STX18: variants seen among roughly 807,000 people sequenced by gnomAD.
STX18 encodes syntaxin 18.
Under a neutral mutation model 50.1 loss-of-function variants are expected in STX18, and 40 were observed. The ratio of observed to expected loss-of-function variants is 0.80; its 90% CI spans 0.62 to 1.04. STX18 has a LOEUF of 1.04. STX18 is among the 50% of genes least tolerant of loss of function. The probability of loss-of-function intolerance (pLI) is 0.00; values close to 1 mark genes in which losing one functional copy is unlikely to be tolerated. For missense variants in STX18, 410 were observed against 415.8 expected, an observed-to-expected ratio of 0.99 and a Z score of 0.12; for synonymous variants, 158 against 151.8, an observed-to-expected ratio of 1.04 and a Z score of -0.30.
At chr4:4,495,715 T>C in intron 1 of STX18, among the ~76,000 whole-genome samples, 1 of 152,086 alleles carries the variant, frequency 6.6e-6, no homozygotes, top group African/African-American at 2.4e-5. Flanking sequence ...AATCTTGTAT[T>C]AGTCCACCTC....
At chr4:4,453,053 T>G (rs1000064047) in intron 5 of STX18, among the ~76,000 whole-genome samples, 8 of 152,190 alleles carry the variant, frequency 5.3e-5, no homozygotes, top group African/African-American at 1.9e-4. Flanking sequence ...CTGCTTATTA[T>G]GGATGAACCA....
In STX18 at chr4:4,541,939, A is replaced by C. The variant is rs1177439416; in HGVS notation, c.26T>G (p.Phe9Cys). ...CTTCACGGTCTTGACGCTGGCCCGGAATAGCAGCGTGATGTCCACCGCCAT... is the reference window on the plus strand; with the variant it reads ...CTTCACGGTCTTGACGCTGGCCCGGCATAGCAGCGTGATGTCCACCGCCAT... The part of the protein sequence containing the change: MAVDITLL[F>C]RASVKTVKTR... The change falls in exon 1 of 11, where the codon TTC (phenylalanine) becomes TGC (cysteine). Residue 9 changes from phenylalanine (F) to cysteine (C), a missense_variant. Phe to Cys is a radical substitution (Grantham distance 205). Transcript: ENST00000306200. 1.9e-6 allele frequency: 3 copies of C among 1,607,384 alleles called. No homozygotes were observed. The Admixed American group carries it at 5.0e-5, about 27-fold the overall frequency.
At chr4:4,506,941 G>A (rs1273887373) in intron 1 of STX18, 2 of 312,170 alleles carry the variant, frequency 6.4e-6, no homozygotes, top group East Asian at 8.2e-5. Context: ...TGGGGGATGG[G>A]ACTATTGTAC....
chr4:4,508,445 T>C (rs930731990), intron 1 of STX18, among the ~76,000 whole-genome samples: 2 of 152,086 alleles, frequency 1.3e-5, no homozygotes, highest in African/African-American at 2.4e-5. Context: ...AAAATATACA[T>C]GAGAAGTTTG....
rs904227769 is a variant in STX18 at position 4,447,504 on chromosome 4, T to C, written c.498-8995A>G. Among the ~76,000 whole-genome samples the C allele has an allele frequency of 2.1e-5, 3 of 144,166 alleles. No individual in the cohort carries two copies. The Admixed American group carries it at 2.2e-4, about 11-fold the overall frequency. The allele number at this position is 144,166 out of a possible 152,430, so 94.6% of individuals were successfully genotyped here. On this transcript the variant is annotated intron_variant, in intron 5 of 10. Coordinates refer to ENST00000306200, the MANE Select transcript of STX18 (RefSeq NM_016930.4). ...TACTCGGGAGGCTGAGGCAGGAGAA[T>C]GGCGTGAACCCGGGAGGCGGAGCTT...
chr4:4,433,660 A>G (rs927492284), intron 7 of STX18, among the ~76,000 whole-genome samples: 1 of 152,042 alleles, frequency 6.6e-6, no homozygotes, highest in African/African-American at 2.4e-5. Flanking sequence ...CATGGGACAC[A>G]GTATCTGGGA....
intron 1 of STX18, among the ~76,000 whole-genome samples, chr4:4,539,572 GAAC>G (rs1430232983): frequency 6.6e-6 from 1 of 152,184 alleles, no homozygotes; most frequent in African/African-American, 2.4e-5. Flanking sequence ...CAGTGTCCCT[GAAC>G]AACACAGCCC....
intron 1 of STX18, among the ~76,000 whole-genome samples, chr4:4,508,375 G>C (rs558330114): frequency 6.6e-6 from 1 of 151,894 alleles, no homozygotes; most frequent in African/African-American, 2.4e-5. Context: ...CACTTGAGAG[G>C]ATCCCAAAAA....
At chr4:4,487,401 T>A (rs931649368) in intron 1 of STX18, among the ~76,000 whole-genome samples, 1 of 152,222 alleles carries the variant, frequency 6.6e-6, no homozygotes, top group Non-Finnish European at 1.5e-5. Flanking sequence ...TTCCTATGTG[T>A]CGGACACCAT....
At chr4:4,435,403 T>C (rs962793372) in intron 6 of STX18, among the ~76,000 whole-genome samples, 4 of 152,234 alleles carry the variant, frequency 2.6e-5, no homozygotes, top group African/African-American at 9.6e-5. Context: ...CATACAAAGA[T>C]ATATGAGTCC....
At chr4:4,452,829 G>A (rs1458833930) in intron 5 of STX18, among the ~76,000 whole-genome samples, 1 of 152,176 alleles carries the variant, frequency 6.6e-6, no homozygotes, top group Non-Finnish European at 1.5e-5. Flanking sequence ...AAGAACATTC[G>A]TGATTCATGG....
chr4:4,473,828 C>T (rs1249375590), intron 1 of STX18, among the ~76,000 whole-genome samples: 1 of 152,060 alleles, frequency 6.6e-6, no homozygotes, highest in Admixed American at 6.5e-5. Context: ...AGAATACATT[C>T]GACAGTGGTG....
intron 1 of STX18, among the ~76,000 whole-genome samples, chr4:4,506,906 C>T (rs569766329): frequency 6.6e-6 from 1 of 152,250 alleles, no homozygotes; most frequent in Admixed American, 6.5e-5. Context: ...GTAACTGAAA[C>T]TGGAAAATTA....
At chr4:4,433,384 T>C (rs1725613179) in intron 7 of STX18, among the ~76,000 whole-genome samples, 1 of 152,278 alleles carries the variant, frequency 6.6e-6, no homozygotes, top group African/African-American at 2.4e-5. Context: ...AGAATTCCCC[T>C]GCGGAAGGCC....
intron 9 of STX18, among the ~76,000 whole-genome samples, chr4:4,421,447 G>T (rs1334971384): frequency 2.6e-5 from 4 of 152,060 alleles, no homozygotes; most frequent in Admixed American, 6.6e-5. Flanking sequence ...GAGATGGGGG[G>T]TCTCCCTATG....
intron 1 of STX18, among the ~76,000 whole-genome samples, chr4:4,491,932 C>T (rs1728960317): frequency 6.6e-6 from 1 of 152,134 alleles, no homozygotes; most frequent in South Asian, 2.1e-4. Flanking sequence ...GTATGTCACA[C>T]TCCGGTTACC....
At chr4:4,425,800 C>T (rs62289799) in intron 7 of STX18, 7,424 of 152,880 alleles carry the variant, frequency 0.049, 311 homozygotes, top group African/African-American at 0.11. Context: ...TGGGTGAGGA[C>T]GGGTGCCCTG....
At chr4:4,537,585 T>C (rs1731400810) in intron 1 of STX18, among the ~76,000 whole-genome samples, 1 of 152,214 alleles carries the variant, frequency 6.6e-6, no homozygotes, top group Non-Finnish European at 1.5e-5. Flanking sequence ...GCTCTATCCC[T>C]GAATTTTCCA....
At chr4:4,432,542 C>T (rs1725568783) in intron 7 of STX18, among the ~76,000 whole-genome samples, 2 of 152,216 alleles carry the variant, frequency 1.3e-5, no homozygotes, top group South Asian at 4.1e-4. Flanking sequence ...CTCTTTGTTG[C>T]ATGCACCTCA....
Sources: allele counts gnomAD v4.1 joint callset (sites outside exome capture counted in the v4.1 genomes callset), GRCh38; gene constraint gnomAD v4.1.1; transcripts MANE v1.5; gene names NCBI Gene and HGNC (gene_info 2026-07-23, HGNC 2026-07-21).